The following TBC1D22B variants were observed in gnomAD, a reference collection of about 807,000 sequenced individuals.
The protein encoded by TBC1D22B is chromosome 6 open reading frame 197.
In TBC1D22B, 32 loss-of-function variants were observed where a neutral mutation model predicts 69.1. The ratio of observed to expected loss-of-function variants is 0.46; its 90% confidence interval spans 0.35 to 0.62. The LOEUF (loss-of-function observed/expected upper bound fraction) is 0.62. TBC1D22B is among the 20% of genes least tolerant of loss of function. The pLI is 0.00. For missense variants in TBC1D22B, 462 were observed against 630.9 expected (o/e 0.73, Z 2.87); for synonymous variants, 206 against 229.8 (o/e 0.90, Z 0.94).
chr6:37,313,115 C>T (rs1032867119), intron 9 of TBC1D22B, 91 bp downstream of exon 9: 2 of 938,994 alleles, frequency 2.1e-6, no homozygotes, highest in African/African-American at 1.6e-5. Context: ...CTGTATCAGG[C>T]AGGACCACCC....
At chr6:37,294,300 G>A (rs1174725805) in intron 8 of TBC1D22B, among the ~76,000 whole-genome samples, 1 of 152,086 alleles carries the variant, frequency 6.6e-6, no homozygotes, top group East Asian at 1.9e-4. Flanking sequence ...CGAGTAGCTA[G>A]AACTGCAGAT....
chr6:37,259,374 G>A (rs1765987598), intron 1 of TBC1D22B, among the ~76,000 whole-genome samples: 1 of 152,082 alleles, frequency 6.6e-6, no homozygotes, highest in South Asian at 2.1e-4. Context: ...TCCTGGTCTA[G>A]TGAGCTCTCT....
chr6:37,323,713 A>G (rs195426), intron 12 of TBC1D22B, among the ~76,000 whole-genome samples: 131,831 of 152,300 alleles, frequency 0.87, 57,100 homozygotes, highest in Middle Eastern at 0.92. Flanking sequence ...CTGCAAGAAC[A>G]CAGGGGTGCG....
chr6:37,287,473 A>G lies in TBC1D22B; in HGVS notation c.867+401A>G, dbSNP rs575023608. Among the ~76,000 whole-genome samples, 12 of 152,346 alleles carry G rather than the reference A, an allele frequency of 7.9e-5. No individual in the cohort carries two copies. The East Asian group carries it at 2.1e-3, about 27-fold the overall frequency. On this transcript the variant is annotated intron_variant, in intron 7 of 12. Transcript: ENST00000373491. ...GCATTAAGTACAGTCACGTTATTGT[A>G]TGACCATCATCACCATCCACTTCCA... is the stretch of plus-strand genomic sequence containing the variant.
chr6:37,266,008 T>C (rs1331519013), intron 1 of TBC1D22B, among the ~76,000 whole-genome samples: 6 of 152,210 alleles, frequency 3.9e-5, no homozygotes, highest in African/African-American at 1.4e-4. Flanking sequence ...TCTTGGGCAC[T>C]GAGTGTTTGC....
chr6:37,327,308 C>T (rs1768443922), intron 12 of TBC1D22B, among the ~76,000 whole-genome samples: 1 of 133,962 alleles, frequency 7.5e-6, no homozygotes. Context: ...GAAACCCCGT[C>T]TCTACTAAAA....
At chr6:37,301,936 T>G (rs1178776947) in intron 8 of TBC1D22B, among the ~76,000 whole-genome samples, 2 of 152,158 alleles carry the variant, frequency 1.3e-5, no homozygotes, top group Non-Finnish European at 2.9e-5. Flanking sequence ...CCAGGCATCC[T>G]TACCCCACTG....
Position 37,317,221 on chromosome 6 carries a change from G to A in TBC1D22B, c.1389+15G>A, listed in dbSNP as rs779503363. ...AGGATTTTCAGGTGAGTGGCCAAGA[G>A]CTTAGTGTGGGCAGGGAATGAACAT... On this transcript the variant is annotated intron_variant, in intron 12 of 12. Transcript: ENST00000373491. 8 of 1,555,642 alleles carry A rather than the reference G, an allele frequency of 5.1e-6. No homozygotes were observed. The highest frequency in any genetic ancestry group is 7.0e-6 in the Non-Finnish European group (8 of 1,148,090).
intron 2 of TBC1D22B, among the ~76,000 whole-genome samples, chr6:37,271,252 G>T (rs1336553550): frequency 6.6e-6 from 1 of 152,188 alleles, no homozygotes; most frequent in African/African-American, 2.4e-5. Flanking sequence ...GCCAGGGGTT[G>T]CAGTGGGCTG....
intron 1 of TBC1D22B, among the ~76,000 whole-genome samples, chr6:37,267,481 A>G (rs1002452648): frequency 2.1e-4 from 13 of 62,082 alleles, no homozygotes; most frequent in African/African-American, 8.3e-4. Context: ...ATATATATAC[A>G]CTATATATAA....
At chr6:37,322,563 G>A (rs113881753) in intron 12 of TBC1D22B, among the ~76,000 whole-genome samples, 9 of 152,320 alleles carry the variant, frequency 5.9e-5, no homozygotes, top group African/African-American at 2.2e-4. Context: ...ACTTTTGAGG[G>A]AACAAGGCTG....
At chr6:37,313,124 C>T in intron 9 of TBC1D22B, 100 bp downstream of exon 9, 1 of 834,338 alleles carries the variant, frequency 1.2e-6, no homozygotes, top group Non-Finnish European at 2.0e-6. Context: ...GCAGGACCAC[C>T]CACCCACCCA....
intron 12 of TBC1D22B, among the ~76,000 whole-genome samples, chr6:37,326,174 G>A (rs1256196731): frequency 1.3e-5 from 2 of 151,802 alleles, no homozygotes; most frequent in Admixed American, 6.6e-5. Context: ...GAGGTCAAGA[G>A]ATCAAGACCA....
chr6:37,270,378 G>A (rs986630204), intron 2 of TBC1D22B, among the ~76,000 whole-genome samples: 1 of 152,122 alleles, frequency 6.6e-6, no homozygotes, highest in Non-Finnish European at 1.5e-5. Flanking sequence ...TTGAACCCAG[G>A]AGGCAGAGGT....
chr6:37,321,174 AC>A (rs1261366227), intron 12 of TBC1D22B, among the ~76,000 whole-genome samples: 11 of 150,380 alleles, frequency 7.3e-5, no homozygotes, highest in African/African-American at 2.7e-4. Flanking sequence ...ACCCCATTTT[AC>A]AAATGGGGAA....
intron 12 of TBC1D22B, among the ~76,000 whole-genome samples, chr6:37,326,776 A>G (rs1768418380): frequency 6.7e-6 from 1 of 149,590 alleles, no homozygotes; most frequent in Non-Finnish European, 1.5e-5. Flanking sequence ...TGACGGAGCG[A>G]GACTACGTCT....
intron 3 of TBC1D22B, among the ~76,000 whole-genome samples, chr6:37,281,980 A>T (rs577354600): frequency 9.2e-5 from 14 of 152,276 alleles, no homozygotes; most frequent in African/African-American, 3.4e-4. Context: ...TGTGTTTGAT[A>T]TAAATGCAGC....
intron 6 of TBC1D22B, among the ~76,000 whole-genome samples, chr6:37,286,684 C>T (rs1422200427): frequency 1.3e-5 from 2 of 151,970 alleles, no homozygotes; most frequent in Non-Finnish European, 2.9e-5. Context: ...TGGCTCACAC[C>T]TGCAATCCCA....
chr6:37,278,176 A>G (rs1050439194), intron 2 of TBC1D22B, among the ~76,000 whole-genome samples: 5 of 152,104 alleles, frequency 3.3e-5, no homozygotes, highest in Admixed American at 6.5e-5. Context: ...AAACCAAACA[A>G]TCTTATTAAA....
Sources: allele counts gnomAD v4.1 joint callset (sites outside exome capture counted in the v4.1 genomes callset), GRCh38; gene constraint gnomAD v4.1.1; transcripts MANE v1.5; gene names NCBI Gene and HGNC (gene_info 2026-07-23, HGNC 2026-07-21).